The following BACH1 variants were observed in gnomAD, a reference collection of about 807,000 sequenced individuals.
BACH1 encodes the protein BTB domain and CNC homolog 1, also known as transcription regulator protein BACH1.
In BACH1, 35 loss-of-function variants were observed where a neutral mutation model predicts 52.9. The observed-to-expected ratio is 0.66, with a 90% CI of 0.51 to 0.88. BACH1 has a LOEUF of 0.88. BACH1 is among the 40% of genes least tolerant of loss of function. BACH1 has a pLI of 0.00. For missense variants in BACH1, 808 were observed against 872.6 expected, an observed-to-expected ratio of 0.93 and a Z score of 0.93; for synonymous variants, 321 against 319.6, an observed-to-expected ratio of 1.00 and a Z score of -0.05.
At chr21:29,360,349 A>G (rs535426676) in intron 2 of BACH1, among the ~76,000 whole-genome samples, 19 of 152,332 alleles carry the variant, frequency 1.2e-4, no homozygotes, top group African/African-American at 4.1e-4. Context: ...TCCATCAGGC[A>G]GATATCTAAA....
chr21:29,343,046 A>G lies in BACH1; in HGVS notation c.*213A>G. ...TGCCTCCTGGATATCAGAAAAATCC[A>G]TGTGAAAATGTAGTAAACCTTTAAA... is the stretch of plus-strand genomic sequence containing the variant. On this transcript the variant is annotated 3_prime_UTR_variant, in exon 5 of 5. Coordinates refer to ENST00000286800, the MANE Select transcript of BACH1 (RefSeq NM_001186.4). The G allele has an allele frequency of 2.1e-6, 1 of 465,400 alleles. No homozygotes were observed. The highest frequency in any genetic ancestry group is 4.0e-5 in the South Asian group (1 of 24,788). The allele number at this position is 465,400 out of a possible 1,614,324, so 28.8% of individuals were successfully genotyped here. A position where few individuals can be genotyped will look rare whatever the true frequency, so the allele number is the denominator to read the frequency against.
chr21:29,341,213 T>C (rs1877651480), intron 4 of BACH1, among the ~76,000 whole-genome samples: 1 of 152,210 alleles, frequency 6.6e-6, no homozygotes, highest in Admixed American at 6.5e-5. Flanking sequence ...GTGACTTTTA[T>C]GTCATAAAAG....
rs1233693047 is a variant in BACH1, at chr21:29,343,815, C to T, written c.*982C>T. On this transcript the variant is annotated 3_prime_UTR_variant, in exon 5 of 5. Transcript: ENST00000286800. ...CAGGAGTGCAGTTCATTTTTTTCACCCTGTTTTTGAAGTCGTATTATTCAC... is the reference window on the plus strand; with the variant it reads ...CAGGAGTGCAGTTCATTTTTTTCACTCTGTTTTTGAAGTCGTATTATTCAC... The T allele has an allele frequency of 2.6e-5, 4 of 152,038 alleles. No individual in the cohort carries two copies. The highest frequency in any genetic ancestry group is 9.7e-5 in the African/African-American group (4 of 41,390). The allele number at this position is 152,038 out of a possible 1,614,324, so 9.4% of individuals were successfully genotyped here. A position where few individuals can be genotyped will look rare whatever the true frequency, so the allele number is the denominator to read the frequency against.
At position 29,329,291 on chromosome 21, in the gene BACH1, C is replaced by A. The variant is rs753450214; in HGVS notation, c.1570-196C>A. On this transcript the variant is annotated intron_variant, in intron 3 of 4. Transcript: ENST00000286800. Reference sequence around the variant, plus strand: ...CCACCGTACTCCTGCATGACAGAGACCCTGTCTCCAAAAAAATATGTGTAG... The same window carrying A: ...CCACCGTACTCCTGCATGACAGAGAACCTGTCTCCAAAAAAATATGTGTAG... 9.8e-4 allele frequency among the ~76,000 whole-genome samples: 149 copies of A among 152,080 alleles called. 3 individuals are homozygous for A. The highest frequency in any genetic ancestry group is 8.5e-4 in the Admixed American group (13 of 15,268).
rs959108159 is a variant in BACH1, at chr21:29,343,916, A to G, written c.*1083A>G. On this transcript the variant is annotated 3_prime_UTR_variant, in exon 5 of 5. Coordinates refer to ENST00000286800, the MANE Select transcript of BACH1 (RefSeq NM_001186.4). The stretch of plus-strand genomic sequence containing the variant: ...GGTTTGTGAAATAGGATGAAACTCA[A>G]TCTTTTTCTATTGTGGGTTTGCATT... The G allele has an allele frequency of 6.6e-6, 1 of 152,228 alleles. No individual in the cohort carries two copies. The highest frequency in any genetic ancestry group is 6.5e-5 in the Admixed American group (1 of 15,278). The allele number at this position is 152,228 out of a possible 1,614,324, so 9.4% of individuals were successfully genotyped here.
intron 1 of BACH1, among the ~76,000 whole-genome samples, chr21:29,301,408 C>T (rs2088602366): frequency 6.6e-6 from 1 of 152,194 alleles, no homozygotes; most frequent in South Asian, 2.1e-4. Flanking sequence ...ATTCTTTCAA[C>T]AACCGGAATG....
intron 1 of BACH1, among the ~76,000 whole-genome samples, chr21:29,319,390 G>A (rs530665045): frequency 6.6e-6 from 1 of 152,126 alleles, no homozygotes; most frequent in Admixed American, 6.5e-5. Context: ...ACAGAAGAGG[G>A]AACCTGATGG....
intron 2 of BACH1, among the ~76,000 whole-genome samples, chr21:29,355,175 G>C (rs2089226265): frequency 6.6e-6 from 1 of 152,194 alleles, no homozygotes; most frequent in South Asian, 2.1e-4. Flanking sequence ...ATTTTGCAGA[G>C]TGCTGATTGG....
At chr21:29,308,490 CTT>C (rs2088683890) in intron 1 of BACH1, among the ~76,000 whole-genome samples, 1 of 152,092 alleles carries the variant, frequency 6.6e-6, no homozygotes, top group African/African-American at 2.4e-5. Context: ...TTTTTATACT[CTT>C]AAGCACCTCC....
Position 29,321,510 on chromosome 21 carries a change from A to G in BACH1, c.230A>G (p.Glu77Gly). Residue 77 changes from glutamate to glycine, a missense_variant, in exon 2 of 5, where the codon GAA becomes GGA. Coordinates refer to ENST00000286800, the MANE Select transcript of BACH1 (RefSeq NM_001186.4). ...ADGELNITLP[E>G]EVTVKGFEPL... ...GGAGAGCTGAACATTACTCTTCCAG[A>G]AGAGGTGAGAGATCCATGTTTTTGG... 1 of 1,612,892 alleles carries G rather than the reference A, an allele frequency of 6.2e-7. No individual in the cohort carries two copies. Among genetic ancestry groups the G allele is most frequent in the Non-Finnish European group, 8.5e-7 (1 of 1,178,922 alleles).
At chr21:29,305,198 C>T (rs1454800324) in intron 1 of BACH1, 8 of 147,116 alleles carry the variant, frequency 5.4e-5, no homozygotes, top group Admixed American at 4.0e-4. Context: ...TTTTCTTTCA[C>T]ATTAGCAAAA....
chr21:29,352,479 A>T (rs1265429866), intron 2 of BACH1: 1 of 152,192 alleles, frequency 6.6e-6, no homozygotes, highest in Non-Finnish European at 1.5e-5. Flanking sequence ...CTGGTCCTCG[A>T]TAGCAAAGTA....
chr21:29,323,730 G>A (rs2088876121), intron 2 of BACH1, among the ~76,000 whole-genome samples: 1 of 152,146 alleles, frequency 6.6e-6, no homozygotes, highest in Non-Finnish European at 1.5e-5. Flanking sequence ...TCACACTGAT[G>A]TTTTCATGTA....
At chr21:29,337,946 C>CAA (rs1156403356) in intron 4 of BACH1, among the ~76,000 whole-genome samples, 24 of 151,896 alleles carry the variant, frequency 1.6e-4, no homozygotes, top group Admixed American at 1.6e-3. Context: ...AAAACAAAAA[C>CAA]AAAAACAAAA....
chr21:29,335,132 C>G (rs1003637349), intron 4 of BACH1, among the ~76,000 whole-genome samples: 2 of 152,204 alleles, frequency 1.3e-5, no homozygotes, highest in Non-Finnish European at 2.9e-5. Context: ...CATGATAGCA[C>G]TGAGGTCAGA....
At chr21:29,346,666 C>T (rs1425049276), downstream of BACH1, among the ~76,000 whole-genome samples, 1 of 152,148 alleles carries the variant, frequency 6.6e-6, no homozygotes, top group African/African-American at 2.4e-5. Flanking sequence ...ACAGCCCTCA[C>T]AACAATTACC....
Position 29,327,301 on chromosome 21 carries a change from C to A in BACH1, c.1477C>A (p.Pro493Thr), listed in dbSNP as rs757513028. 1.4e-5 allele frequency: 23 copies of A among 1,613,992 alleles called. No homozygotes were observed. Among genetic ancestry groups the A allele is most frequent in the Non-Finnish European group, 1.9e-5 (22 of 1,180,042 alleles). Residue 493 changes from proline (P) to threonine (T), a missense_variant, in exon 3 of 5, where the codon CCA becomes ACA. Coordinates refer to ENST00000286800, the MANE Select transcript of BACH1 (RefSeq NM_001186.4). ...YVSEPQQEPC[P>T]YACVISLGDD... ...TTCAGAACCCCAGCAAGAACCTTGC[C>A]CATATGCTTGTGTCATTAGCTTGGG...
intron 2 of BACH1, chr21:29,351,908 G>T (rs2089204463): frequency 5.3e-6 from 2 of 376,196 alleles, no homozygotes; most frequent in Non-Finnish European, 1.1e-5. Context: ...CTTAAAATAG[G>T]TTGAGTATGA....
chr21:29,356,680 G>C (rs1415753567), intron 2 of BACH1, among the ~76,000 whole-genome samples: 1 of 152,270 alleles, frequency 6.6e-6, no homozygotes, highest in South Asian at 2.1e-4. Flanking sequence ...AAGGCTATGG[G>C]TTGTCAGTGG....
Sources: gnomAD v4.1 joint callset for allele counts (sites outside exome capture counted in the v4.1 genomes callset) on GRCh38, gnomAD v4.1.1 for gene constraint, MANE v1.5 for transcripts, NCBI Gene and HGNC (gene_info 2026-07-23, HGNC 2026-07-21) for gene names.